PPARG: variants seen among roughly 807,000 people sequenced by gnomAD.
PPARG encodes the protein peroxisome proliferator-activated receptor gamma.
PPARG carries 17 observed loss-of-function variants against 39.2 expected under a neutral mutation model. That is an observed-to-expected ratio of 0.43 (90% CI 0.30 to 0.65). The LOEUF is 0.65. PPARG is among the 30% of genes least tolerant of loss of function. The probability of loss-of-function intolerance (pLI) is 0.13; values close to 1 mark genes in which losing one functional copy is unlikely to be tolerated. For synonymous variants in PPARG, 223 were observed against 215.7 expected (o/e 1.03, Z -0.30); for missense variants, 406 against 585.9 (o/e 0.69, Z 3.17).
chr3:12,341,758 A>C (rs1305637608), intron 2 of PPARG, among the ~76,000 whole-genome samples: 1 of 152,032 alleles, frequency 6.6e-6, no homozygotes, highest in Non-Finnish European at 1.5e-5. Flanking sequence ...GCGGTGAGCT[A>C]TGATCGCGCT....
At chr3:12,367,313 G>A (rs186426568) in intron 2 of PPARG, among the ~76,000 whole-genome samples, 242 of 152,268 alleles carry the variant, frequency 1.6e-3, no homozygotes, top group Non-Finnish European at 2.4e-3. Flanking sequence ...AACAGATTTA[G>A]CCTTAGTCCT....
chr3:12,321,327 G>T (rs1272889081), intron 2 of PPARG, among the ~76,000 whole-genome samples: 1 of 152,074 alleles, frequency 6.6e-6, no homozygotes, highest in Non-Finnish European at 1.5e-5. Context: ...TAATATATAT[G>T]GGGTAACTAA....
chr3:12,316,152 A>C (rs2047382050), intron 2 of PPARG, among the ~76,000 whole-genome samples: 1 of 152,260 alleles, frequency 6.6e-6, no homozygotes. Flanking sequence ...GTTTAAAATC[A>C]AAAGAGCAAA....
At chr3:12,293,330 G>A (rs1345847231) in intron 1 of PPARG, among the ~76,000 whole-genome samples, 1 of 151,844 alleles carries the variant, frequency 6.6e-6, no homozygotes, top group Non-Finnish European at 1.5e-5. Context: ...TCATTGCTTG[G>A]TTTTAACTAT....
At chr3:12,334,370 A>G (rs894453994) in intron 2 of PPARG, among the ~76,000 whole-genome samples, 1 of 151,902 alleles carries the variant, frequency 6.6e-6, no homozygotes, top group Non-Finnish European at 1.5e-5. Context: ...AGCCAGGATT[A>G]CAGGTGCCCA....
chr3:12,294,270 A>G (rs766312778), intron 1 of PPARG, among the ~76,000 whole-genome samples: 5 of 152,254 alleles, frequency 3.3e-5, no homozygotes, highest in Non-Finnish European at 5.9e-5. Context: ...TAGTCAAGAC[A>G]AGTCGCAGAT....
chr3:12,343,444 C>G (rs1429889983), intron 2 of PPARG, among the ~76,000 whole-genome samples: 1 of 152,202 alleles, frequency 6.6e-6, no homozygotes, highest in Non-Finnish European at 1.5e-5. Flanking sequence ...TAAATCCCTT[C>G]TCTGCCTCTT....
intron 1 of PPARG, among the ~76,000 whole-genome samples, chr3:12,297,368 TAGTG>T (rs1322151454): frequency 1.3e-5 from 2 of 152,162 alleles, no homozygotes; most frequent in African/African-American, 4.8e-5. Flanking sequence ...TATGTTACAG[TAGTG>T]AGATATGGAG....
intron 3 of PPARG, among the ~76,000 whole-genome samples, chr3:12,380,745 G>A (rs1487017798): frequency 4.6e-5 from 7 of 152,084 alleles, no homozygotes; most frequent in Admixed American, 4.6e-4. Context: ...GTAAAAGGTA[G>A]GGCTTACTTC....
chr3:12,337,386 A>G (rs2048042917), intron 2 of PPARG, among the ~76,000 whole-genome samples: 1 of 152,322 alleles, frequency 6.6e-6, no homozygotes, highest in Admixed American at 6.5e-5. Context: ...GGAACAAAAA[A>G]GTGGGAGGAC....
intron 1 of PPARG, chr3:12,305,981 A>G (rs982830986): frequency 2.6e-5 from 4 of 152,238 alleles, no homozygotes; most frequent in Non-Finnish European, 5.9e-5. Flanking sequence ...TATTTGTTGA[A>G]TGCTTATTCT....
intron 2 of PPARG, chr3:12,327,945 G>T: frequency 5.8e-6 from 4 of 694,402 alleles, no homozygotes; most frequent in Non-Finnish European, 1.0e-5. Flanking sequence ...CAAAATGTGT[G>T]TATGGAAAGG....
chr3:12,418,114 A>G (rs2051140508), intron 7 of PPARG, among the ~76,000 whole-genome samples: 1 of 151,474 alleles, frequency 6.6e-6, no homozygotes, highest in Non-Finnish European at 1.5e-5. Flanking sequence ...CAACAGCTGC[A>G]CACCAACATG....
At chr3:12,318,097 C>G (rs949206196) in intron 2 of PPARG, among the ~76,000 whole-genome samples, 2 of 152,108 alleles carry the variant, frequency 1.3e-5, no homozygotes, top group Non-Finnish European at 2.9e-5. Context: ...CCTCAGCCAC[C>G]GGAGTAGCTG....
chr3:12,380,096 A>G (rs1485589157), intron 3 of PPARG, among the ~76,000 whole-genome samples, 165 bp downstream of exon 3: 1 of 152,140 alleles, frequency 6.6e-6, no homozygotes, highest in East Asian at 1.9e-4. Flanking sequence ...TATCTATGAA[A>G]TGCCAGGAAG....
rs141797536 is a variant in PPARG, at chr3:12,379,763, G to T, written c.52G>T (p.Val18Leu). 4.8e-5 allele frequency: 78 copies of T among 1,613,858 alleles called. No homozygotes were observed. Among genetic ancestry groups the T allele is most frequent in the Non-Finnish European group, 6.2e-5 (73 of 1,179,936 alleles). ...FWPTNFGISS[V>L]DLSVMEDHSH... ...GCCCACCAACTTTGGGATCAGCTCC[G>T]TGGATCTCTCCGTAATGGAAGACCA... Residue 18 changes from valine to leucine, a missense_variant, in exon 3 of 8, where the codon GTG becomes TTG. Val to Leu is a conservative substitution (Grantham distance 32). Around this residue, in one of 2 missense-constraint regions of PPARG, gnomAD observed 131 missense variants for 127.9 expected, o/e 1.02. Coordinates refer to ENST00000651735, the MANE Select transcript of PPARG (RefSeq NM_138711.6).
intron 2 of PPARG, among the ~76,000 whole-genome samples, chr3:12,314,274 CAA>C (rs2047329159): frequency 6.9e-6 from 1 of 144,092 alleles, no homozygotes; most frequent in Non-Finnish European, 1.5e-5. Context: ...GACTCCCTCT[CAA>C]AAAATTAATT....
At chr3:12,365,771 T>G (rs980170115) in intron 2 of PPARG, among the ~76,000 whole-genome samples, 1 of 152,142 alleles carries the variant, frequency 6.6e-6, no homozygotes, top group Admixed American at 6.5e-5. Context: ...TTGTCTATTC[T>G]TTTGCCAGTA....
intron 1 of PPARG, among the ~76,000 whole-genome samples, chr3:12,304,242 A>T (rs950867491): frequency 1.3e-5 from 2 of 152,242 alleles, no homozygotes; most frequent in Non-Finnish European, 2.9e-5. Context: ...GGGTTGAATA[A>T]GACCAGGCGT....
Sources: allele counts gnomAD v4.1 joint callset (sites outside exome capture counted in the v4.1 genomes callset), GRCh38; gene constraint gnomAD v4.1.1; regional missense constraint gnomAD v4.1.1; transcripts MANE v1.5; gene names NCBI Gene and HGNC (gene_info 2026-07-23, HGNC 2026-07-21).